Variants in TOM1L2 observed in about 807,000 individuals in gnomAD.
The protein encoded by TOM1L2 is target of myb1 like 2 membrane trafficking protein.
Under a neutral mutation model 67.9 loss-of-function variants are expected in TOM1L2, and 31 were observed. The observed-to-expected ratio is 0.46, with a 90% CI of 0.34 to 0.62. TOM1L2 has a LOEUF of 0.62. Among genes scored for constraint, TOM1L2 ranks in the 20% least tolerant of loss-of-function variants. The pLI is 0.01. For synonymous variants in TOM1L2, 256 were observed against 254.0 expected (o/e 1.01, Z -0.07); for missense variants, 606 against 663.5 (o/e 0.91, Z 0.95).
intron 2 of TOM1L2, among the ~76,000 whole-genome samples, chr17:17,903,212 T>C (rs2038934429): frequency 6.6e-6 from 1 of 152,226 alleles, no homozygotes; most frequent in South Asian, 2.1e-4. Context: ...TATGTTTATA[T>C]GCCTGCATTC....
In TOM1L2 at chr17:17,898,664, C is replaced by T; in HGVS notation, c.148G>A (p.Ala50Thr). The change falls in exon 3 of 15, where the codon GCC (alanine) becomes ACC (threonine). Residue 50 changes from alanine to threonine, a missense_variant. Physicochemically the swap from Ala to Thr is moderately conservative, Grantham distance 58. This residue lies in a region of TOM1L2 where 63 missense variants were observed against 109.5 expected (regional missense o/e 0.58). Coordinates refer to ENST00000379504, the MANE Select transcript of TOM1L2 (RefSeq NM_001082968.2). ...INETEEGPKD[A>T]IRALKKRLNG... ...AGCCGCTTCTTCAGGGCTCGAATGG[C>T]ATCCTTTGGCCTGGAAAAAAGAACA... The T allele has an allele frequency of 6.2e-7, 1 of 1,614,216 alleles. No individual in the cohort carries two copies. Among genetic ancestry groups the T allele is most frequent in the Non-Finnish European group, 8.5e-7 (1 of 1,180,042 alleles).
At chr17:17,906,659 G>A (rs1007172499) in intron 2 of TOM1L2, among the ~76,000 whole-genome samples, 2 of 152,172 alleles carry the variant, frequency 1.3e-5, no homozygotes, top group African/African-American at 2.4e-5. Flanking sequence ...GTAGTCATTC[G>A]AGAAATATTT....
intron 2 of TOM1L2, among the ~76,000 whole-genome samples, chr17:17,903,990 GATTATT>G (rs58881326): frequency 7.9e-5 from 12 of 151,472 alleles, no homozygotes; most frequent in African/African-American, 2.2e-4. Flanking sequence ...CTCAGGAAGA[GATTATT>G]ATTATTATTA....
chr17:17,954,160 G>A (rs1179019472), intron 1 of TOM1L2, among the ~76,000 whole-genome samples: 2 of 152,250 alleles, frequency 1.3e-5, no homozygotes, highest in Non-Finnish European at 2.9e-5. Context: ...GAGCAAGAGA[G>A]AAGGGATGCT....
At chr17:17,950,439 G>A (rs374996807) in intron 1 of TOM1L2, among the ~76,000 whole-genome samples, 7 of 152,008 alleles carry the variant, frequency 4.6e-5, no homozygotes, top group Non-Finnish European at 7.4e-5. Context: ...TATTACAGGC[G>A]TGAGTCACTA....
intron 1 of TOM1L2, among the ~76,000 whole-genome samples, chr17:17,956,589 G>C (rs984884836): frequency 1.3e-5 from 2 of 152,198 alleles, no homozygotes; most frequent in Non-Finnish European, 2.9e-5. Context: ...AGGAGCCCAC[G>C]GCAGGGAGGC....
In TOM1L2 at chr17:17,868,587, AT is replaced by A. The variant is rs202104443; in HGVS notation, c.911+752del. ...CTGATCATGGTCCTTTCTGGTCCTT[AT>A]GCTGAGTCCTTCATGAAAGCCCAGT... On this transcript the variant is annotated intron_variant, in intron 8 of 14. Coordinates refer to ENST00000379504, the MANE Select transcript of TOM1L2 (RefSeq NM_001082968.2). 8.0e-3 allele frequency among the ~76,000 whole-genome samples: 1,216 copies of A among 152,328 alleles called. 12 individuals are homozygous for A. The highest frequency in any genetic ancestry group is 0.028 in the African/African-American group (1,182 of 41,562).
chr17:17,930,367 A>AG (rs1385269133), intron 1 of TOM1L2, among the ~76,000 whole-genome samples: 59 of 152,262 alleles, frequency 3.9e-4, no homozygotes, highest in African/African-American at 1.3e-3. Context: ...GTTAAAAAAA[A>AG]GGGGGGTCTG....
At chr17:17,929,534 G>A (rs771977467) in intron 1 of TOM1L2, among the ~76,000 whole-genome samples, 38 of 152,140 alleles carry the variant, frequency 2.5e-4, no homozygotes, top group Non-Finnish European at 4.9e-4. Context: ...AGGAGGCCGA[G>A]GCAGGAGAAT....
chr17:17,968,859 A>G (rs926119607), intron 1 of TOM1L2, among the ~76,000 whole-genome samples: 2 of 152,032 alleles, frequency 1.3e-5, no homozygotes, highest in Non-Finnish European at 2.9e-5. Context: ...TGTTTTCTGC[A>G]TGCAGAGTTC....
At chr17:17,894,971 A>ATGCATGCATGCATGCATGCATG (rs1482198508) in intron 3 of TOM1L2, among the ~76,000 whole-genome samples, 3 of 65,830 alleles carry the variant, frequency 4.6e-5, no homozygotes, top group Non-Finnish European at 1.8e-4. Context: ...ATACATACAT[A>ATGCATGCATGCATGCATGCATG]CATACATGCA....
At chr17:17,968,438 G>A (rs1328041430) in intron 1 of TOM1L2, among the ~76,000 whole-genome samples, 2 of 152,186 alleles carry the variant, frequency 1.3e-5, no homozygotes, top group African/African-American at 4.8e-5. Context: ...AGGCCAAGGA[G>A]GGTGGATCAC....
At position 17,847,793 on chromosome 17, in the gene TOM1L2, A is replaced by G; in HGVS notation, c.1376-10T>C. ...AGGAATTTATCAAACTCTGCAATAC[A>G]AACCAAGGCAAGGGTCAGGGTTGGT... On this transcript the variant is annotated splice_polypyrimidine_tract_variant and intron_variant, in intron 14 of 14. Coordinates refer to ENST00000379504, the MANE Select transcript of TOM1L2 (RefSeq NM_001082968.2). 6.2e-7 allele frequency: 1 copy of G among 1,613,880 alleles called. No homozygotes were observed. The highest frequency in any genetic ancestry group is 8.5e-7 in the Non-Finnish European group (1 of 1,179,916).
chr17:17,951,913 T>A (rs2041221698), intron 1 of TOM1L2, among the ~76,000 whole-genome samples: 1 of 152,184 alleles, frequency 6.6e-6, no homozygotes, highest in African/African-American at 2.4e-5. Flanking sequence ...AAACAGTCAC[T>A]CGGGCTCTGT....
chr17:17,969,841 C>T (rs775773355), intron 1 of TOM1L2, among the ~76,000 whole-genome samples: 37 of 145,636 alleles, frequency 2.5e-4, no homozygotes, highest in Non-Finnish European at 4.2e-4. Flanking sequence ...AACTACATTA[C>T]TCTGTGAATA....
chr17:17,965,556 A>C (rs1341131432), intron 1 of TOM1L2, among the ~76,000 whole-genome samples: 1 of 151,954 alleles, frequency 6.6e-6, no homozygotes, highest in East Asian at 1.9e-4. Flanking sequence ...GTTCCTCCTC[A>C]CTTTACTCTT....
rs879761842 is a variant in TOM1L2 at position 17,935,882 on chromosome 17, GACTC to G, written c.53-28355_53-28352del. On this transcript the variant is annotated intron_variant, in intron 1 of 14. Coordinates refer to ENST00000379504, the MANE Select transcript of TOM1L2 (RefSeq NM_001082968.2). ...ATCAATTTAGCAAATTCTGAGGAAT[GACTC>G]ACACTGGTGGTGCCTGCCTTGTGCA... Among the ~76,000 whole-genome samples, 157 of 152,328 alleles carry G rather than the reference GACTC, an allele frequency of 1.0e-3. 1 individual carries two copies. Among genetic ancestry groups the G allele is most frequent in the Admixed American group, 1.8e-3 (28 of 15,300 alleles).
At chr17:17,917,505 C>T (rs562926513) in intron 1 of TOM1L2, among the ~76,000 whole-genome samples, 2 of 119,186 alleles carry the variant, frequency 1.7e-5, no homozygotes, top group African/African-American at 3.3e-5. Context: ...TGCTATGTTG[C>T]CCAGTCTGGA....
intron 1 of TOM1L2, among the ~76,000 whole-genome samples, chr17:17,955,325 C>CTTTTT (rs67575563): frequency 8.0e-4 from 87 of 108,140 alleles, no homozygotes; most frequent in African/African-American, 2.3e-3. Context: ...CACACAATTC[C>CTTTTT]TTTTTTTTTT....
Sources: gnomAD v4.1 joint callset for allele counts (sites outside exome capture counted in the v4.1 genomes callset) on GRCh38, gnomAD v4.1.1 for gene constraint, gnomAD v4.1.1 regional missense constraint, MANE v1.5 for transcripts, NCBI Gene and HGNC (gene_info 2026-07-23, HGNC 2026-07-21) for gene names.